ERBB2: variants seen among roughly 807,000 people sequenced by gnomAD.
ERBB2 encodes the protein receptor tyrosine-protein kinase erbB-2.
A neutral mutation model predicts 149.0 loss-of-function variants in ERBB2; 61 were observed. The observed-to-expected ratio is 0.41, with a 90% CI of 0.33 to 0.51. ERBB2 has a LOEUF of 0.51. Among genes scored for constraint, ERBB2 ranks in the 20% least tolerant of loss-of-function variants. ERBB2 has a pLI of 0.25. For synonymous variants in ERBB2, 633 were observed against 678.8 expected (o/e 0.93, Z 1.05); for missense variants, 1,205 against 1,655.1 (o/e 0.73, Z 4.72).
At chr17:39,716,993 G>A (rs185181890) in intron 14 of ERBB2, 1 of 441,444 alleles carries the variant, frequency 2.3e-6, no homozygotes, top group Non-Finnish European at 4.1e-6. Flanking sequence ...AAATTAAACA[G>A]GGCTTGGCAC....
In ERBB2 at chr17:39,702,132, T is replaced by C. The variant is rs117325085; in HGVS notation, c.73+1821T>C. On this transcript the variant is annotated intron_variant, in intron 1 of 26. Coordinates refer to ENST00000269571, the MANE Select transcript of ERBB2 (RefSeq NM_004448.4). ...CAGCCTGGGCAACAAGGCAAAACTC[T>C]GTACAAAAAATACAAAAATTAGTTG... Among the ~76,000 whole-genome samples the C allele has an allele frequency of 2.6e-3, 398 of 152,338 alleles. 9 individuals are homozygous for C. In the East Asian group the frequency reaches 0.036, roughly 14 times the overall value.
In ERBB2 at chr17:39,723,314, C is replaced by T. The variant is rs2145801567; in HGVS notation, c.1947-5C>T. ...TCAATCCCTGACCCTGGCTTCCGCC[C>T]CCAGCCCTCTGACGTCCATCATCTC... On this transcript the variant is annotated splice_region_variant and splice_polypyrimidine_tract_variant and intron_variant, in intron 16 of 26. Transcript: ENST00000269571. The surrounding 1 kb of genome is among the most constrained non-coding windows in gnomAD (Gnocchi z 6.2). The T allele has an allele frequency of 6.2e-7, 1 of 1,613,916 alleles. No homozygotes were observed. Among genetic ancestry groups the T allele is most frequent in the South Asian group, 1.1e-5 (1 of 91,072 alleles).
Position 39,723,402 on chromosome 17 carries a change from G to A in ERBB2, c.2030G>A (p.Arg677Gln), listed in dbSNP as rs1167835335. Reference protein sequence around the residue: ...LGVVFGILIKRRQQKIRKYTM... With the variant: ...LGVVFGILIKQRQQKIRKYTM... ...GTGGTCTTTGGGATCCTCATCAAGC[G>A]ACGGCAGCAGAAGATCCGGAAGTAC... Residue 677 changes from arginine to glutamine, a missense_variant, in exon 17 of 27, where the codon CGA becomes CAA. By Grantham distance (43) the Arg-to-Gln change is conservative. Transcript: ENST00000269571. The surrounding 1 kb of genome is among the most constrained non-coding windows in gnomAD (Gnocchi z 6.2). 13 of 1,614,014 alleles carry A rather than the reference G, an allele frequency of 8.1e-6. No individual in the cohort carries two copies. The highest frequency in any genetic ancestry group is 1.1e-5 in the South Asian group (1 of 91,082).
In ERBB2 at chr17:39,728,575, G is replaced by A. The variant is rs1597894266; in HGVS notation, c.*531G>A. Reference sequence around the variant, plus strand: ...AAGATGAAATAAAGACCCAGGGGGAGAATGGGTGTTGTATGGGGAGGCAAG... The same window carrying A: ...AAGATGAAATAAAGACCCAGGGGGAAAATGGGTGTTGTATGGGGAGGCAAG... On this transcript the variant is annotated 3_prime_UTR_variant, in exon 27 of 27. Transcript: ENST00000269571. 2 of 233,700 alleles carry A rather than the reference G, an allele frequency of 8.6e-6. No homozygotes were observed. The highest frequency in any genetic ancestry group is 1.2e-4 in the East Asian group (2 of 16,736). The allele number at this position is 233,700 out of a possible 1,614,324, so 14.5% of individuals were successfully genotyped here.
chr17:39,709,292 T>C, intron 3 of ERBB2, 26 bp from the exon 4 acceptor site: 1 of 1,613,436 alleles, frequency 6.2e-7, no homozygotes, highest in Non-Finnish European at 8.5e-7. Flanking sequence ...GGGGAAAGGG[T>C]CCTCTGATCA....
intron 16 of ERBB2, among the ~76,000 whole-genome samples, chr17:39,720,718 C>T (rs1406515555): frequency 2.0e-5 from 3 of 152,086 alleles, no homozygotes; most frequent in Non-Finnish European, 4.4e-5. Context: ...GGCTCCATCT[C>T]GGTTCACTGC....
At chr17:39,704,558 C>G (rs970805699) in intron 1 of ERBB2, among the ~76,000 whole-genome samples, 1 of 151,980 alleles carries the variant, frequency 6.6e-6, no homozygotes, top group Admixed American at 6.5e-5. Context: ...GGCGACAGGG[C>G]GAGACTCCAT....
At chr17:39,691,556 A>AAAAAAAAAAAAAAATATAT (rs573116217), upstream of ERBB2, among the ~76,000 whole-genome samples, 1 of 84,196 alleles carries the variant, frequency 1.2e-5, no homozygotes, top group African/African-American at 5.0e-5. Flanking sequence ...TAAAAAAAAA[A>AAAAAAAAAAAAAAATATAT]ATATATATAT....
At chr17:39,709,984 G>A (rs1320757793) in intron 5 of ERBB2, 102 bp from the exon 6 acceptor site, 2 of 1,502,092 alleles carry the variant, frequency 1.3e-6, no homozygotes, top group Non-Finnish European at 1.8e-6. Context: ...AACAGGCTTG[G>A]GATGTCTCCC....
chr17:39,717,255 G>T (rs1251120259), intron 14 of ERBB2, 65 bp from the exon 15 acceptor site: 3 of 1,405,998 alleles, frequency 2.1e-6, no homozygotes, highest in Non-Finnish European at 2.9e-6. Context: ...CCAACTAAGG[G>T]CCTGATCCTA....
Position 39,725,144 on chromosome 17 carries a change from C to T in ERBB2, c.2589C>T (p.Asp863=), listed in dbSNP as rs764308274. ...GTCCCAACCATGTCAAAATTACAGA[C>T]TTCGGGCTGGCTCGGCTGCTGGACA... The part of the protein sequence containing the change: ...VKSPNHVKIT[D]FGLARLLDID... The change falls in exon 21 of 27, where the codon GAC becomes GAT. Residue 863 remains aspartate, a synonymous_variant. Transcript: ENST00000269571. This position sits in a 1 kb window ranked among gnomAD's most constrained non-coding sequence, Gnocchi z 4.6. 10 of 1,614,034 alleles carry T rather than the reference C, an allele frequency of 6.2e-6. No individual in the cohort carries two copies. In the South Asian group the frequency reaches 7.7e-5, roughly 12 times the overall value.
chr17:39,694,215 AAAAAAAAAAAAATATATATATATAT>A (rs2057781611), upstream of ERBB2, among the ~76,000 whole-genome samples: 1 of 52,506 alleles, frequency 1.9e-5, no homozygotes, highest in African/African-American at 1.1e-4. Context: ...AAAAAAAAAA[AAAAAAAAAAAAATATATATATATAT>A]ATATATATAT....
intron 1 of ERBB2, among the ~76,000 whole-genome samples, chr17:39,705,288 GC>G (rs1267164277): frequency 6.6e-6 from 1 of 151,776 alleles, no homozygotes; most frequent in African/African-American, 2.4e-5. Flanking sequence ...CCCTGCCCCA[GC>G]CCTGTGGAGA....
intron 9 of ERBB2, among the ~76,000 whole-genome samples, chr17:39,712,956 G>A (rs1041020776): frequency 6.6e-6 from 1 of 152,172 alleles, no homozygotes. Context: ...TCTGTGGTGG[G>A]AGAGATCAGA....
rs2145437398 is a variant in ERBB2 at position 39,708,335 on chromosome 17, G to A, written c.240G>A (p.Val80=). The change falls in exon 3 of 27, where the codon GTG becomes GTA. Residue 80 remains valine (V), a synonymous_variant. Coordinates refer to ENST00000269571, the MANE Select transcript of ERBB2 (RefSeq NM_004448.4). ...CCCCCTCCCAGGATATCCAGGAGGT[G>A]CAGGGCTACGTGCTCATCGCTCACA... The part of the protein sequence containing the change: ...SLSFLQDIQE[V]QGYVLIAHNQ... 1 of 1,613,988 alleles carries A rather than the reference G, an allele frequency of 6.2e-7. No individual in the cohort carries two copies. The highest frequency in any genetic ancestry group is 8.5e-7 in the Non-Finnish European group (1 of 1,179,898).
chr17:39,719,737 T>C (rs746784114), intron 15 of ERBB2, 50 bp from the exon 16 acceptor site: 17 of 1,594,124 alleles, frequency 1.1e-5, no homozygotes, highest in Middle Eastern at 3.3e-4. Flanking sequence ...GAAAGGTGGT[T>C]CCCAAGAGGG....
Position 39,712,022 on chromosome 17 carries a change from G to C in ERBB2, c.996G>C (p.Glu332Asp), listed in dbSNP as rs756588194. The C allele has an allele frequency of 1.9e-6, 3 of 1,614,094 alleles. No homozygotes were observed. Among genetic ancestry groups the C allele is most frequent in the African/African-American group, 2.7e-5 (2 of 75,054 alleles). ...CAGAGGATGGAACACAGCGGTGTGA[G>C]AAGTGCAGCAAGCCCTGTGCCCGAG... ...VTAEDGTQRC[E>D]KCSKPCARVC... The change falls in exon 8 of 27, where the codon GAG becomes GAC. Residue 332 changes from glutamate (E) to aspartate (D), a missense_variant. Coordinates refer to ENST00000269571, the MANE Select transcript of ERBB2 (RefSeq NM_004448.4).
At chr17:39,714,830 T>G (rs1036237992) in intron 9 of ERBB2, among the ~76,000 whole-genome samples, 18 of 151,224 alleles carry the variant, frequency 1.2e-4, no homozygotes, top group Non-Finnish European at 1.2e-4. Context: ...TGTGCAGTAG[T>G]GTGATCTCGG....
At chr17:39,699,665 A>G, upstream of ERBB2, 1 of 949,336 alleles carries the variant, frequency 1.1e-6, no homozygotes, top group East Asian at 2.6e-5. Flanking sequence ...TTGATATTAA[A>G]ACAAATAGGC....
Sources: gnomAD v4.1 joint callset for allele counts (sites outside exome capture counted in the v4.1 genomes callset) on GRCh38, gnomAD v4.1.1 for gene constraint, Gnocchi (gnomAD v3.1) non-coding constraint, MANE v1.5 for transcripts, NCBI Gene and HGNC (gene_info 2026-07-23, HGNC 2026-07-21) for gene names.